The following GFRA2 variants were observed in gnomAD, a reference collection of about 807,000 sequenced individuals.
The protein encoded by GFRA2 is GDNF family receptor alpha 2.
Under a neutral mutation model 48.3 loss-of-function variants are expected in GFRA2, and 17 were observed. The observed-to-expected ratio is 0.35, with a 90% CI of 0.24 to 0.53. The LOEUF (loss-of-function observed/expected upper bound fraction) is 0.53. Among genes scored for constraint, GFRA2 ranks in the 20% least tolerant of loss-of-function variants. The pLI, the probability that GFRA2 is intolerant of heterozygous loss-of-function variation, is 0.93. For missense variants in GFRA2, 660 were observed against 637.3 expected, an observed-to-expected ratio of 1.04 and a Z score of -0.38; for synonymous variants, 305 against 257.2, an observed-to-expected ratio of 1.19 and a Z score of -1.78.
chr8:21,725,895 C>T (rs1803846090), intron 4 of GFRA2, among the ~76,000 whole-genome samples: 2 of 152,188 alleles, frequency 1.3e-5, no homozygotes, highest in African/African-American at 2.4e-5. Context: ...CAGCAGAATC[C>T]GAGCAAGACC....
intron 3 of GFRA2, among the ~76,000 whole-genome samples, chr8:21,757,023 A>C (rs1255486376): frequency 6.6e-6 from 1 of 152,032 alleles, no homozygotes; most frequent in Admixed American, 6.5e-5. Context: ...CTTCTCCAAA[A>C]CCGCAGTTAA....
At chr8:21,777,800 G>T (rs1251541510) in intron 2 of GFRA2, among the ~76,000 whole-genome samples, 1 of 152,164 alleles carries the variant, frequency 6.6e-6, no homozygotes, top group Non-Finnish European at 1.5e-5. Context: ...ACCCACTCTG[G>T]GTCCTGCCAC....
At chr8:21,703,657 A>G (rs1802596053) in intron 6 of GFRA2, among the ~76,000 whole-genome samples, 1 of 151,824 alleles carries the variant, frequency 6.6e-6, no homozygotes, top group Admixed American at 6.6e-5. Flanking sequence ...TCTCTTATCT[A>G]CCCTGGTCCC....
intron 4 of GFRA2, among the ~76,000 whole-genome samples, chr8:21,734,427 A>C (rs887800236): frequency 6.6e-6 from 1 of 152,272 alleles, no homozygotes; most frequent in Non-Finnish European, 1.5e-5. Context: ...GCAGGCCAGC[A>C]GAGGCACTGG....
chr8:21,719,594 C>T (rs1002397333), intron 4 of GFRA2, among the ~76,000 whole-genome samples: 12 of 152,210 alleles, frequency 7.9e-5, no homozygotes, highest in African/African-American at 2.9e-4. Flanking sequence ...TAAGTCAATA[C>T]TTATGAAGGC....
At chr8:21,811,280 T>C (rs1196587739) in intron 1 of GFRA2, among the ~76,000 whole-genome samples, 2 of 152,160 alleles carry the variant, frequency 1.3e-5, no homozygotes, top group East Asian at 1.9e-4. Flanking sequence ...AGCGGGTCTT[T>C]GCATCGGCCA....
At chr8:21,728,779 G>T (rs1407038857) in intron 4 of GFRA2, among the ~76,000 whole-genome samples, 2 of 152,174 alleles carry the variant, frequency 1.3e-5, no homozygotes, top group African/African-American at 2.4e-5. Flanking sequence ...TGAACACAAA[G>T]AAATTCTAAG....
intron 4 of GFRA2, among the ~76,000 whole-genome samples, chr8:21,748,579 G>T (rs1397513781): frequency 6.6e-6 from 1 of 152,128 alleles, no homozygotes; most frequent in Non-Finnish European, 1.5e-5. Flanking sequence ...AATAATACTG[G>T]AAAGAAGCAG....
Position 21,788,297 on chromosome 8 carries a change from A to T in GFRA2, c.-138T>A. On this transcript the variant is annotated 5_prime_UTR_variant, in exon 1 of 9. Coordinates refer to ENST00000524240, the MANE Select transcript of GFRA2 (RefSeq NM_001495.5). Reference sequence around the variant, plus strand: ...GCGGAGATCCCAGCTAGTCCACCCGATGAAGATCCCGAGTCCTGCGATTCT... The same window carrying T: ...GCGGAGATCCCAGCTAGTCCACCCGTTGAAGATCCCGAGTCCTGCGATTCT... The T allele has an allele frequency of 1.4e-6, 2 of 1,381,376 alleles. No homozygotes were observed. Among genetic ancestry groups the T allele is most frequent in the Non-Finnish European group, 1.9e-6 (2 of 1,064,120 alleles). The allele number at this position is 1,381,376 out of a possible 1,614,324, so 85.6% of individuals were successfully genotyped here. A position where few individuals can be genotyped will look rare whatever the true frequency, so the allele number is the denominator to read the frequency against.
chr8:21,799,003 T>C (rs1239163066), intron 2 of GFRA2, among the ~76,000 whole-genome samples: 1 of 152,216 alleles, frequency 6.6e-6, no homozygotes, highest in Admixed American at 6.5e-5. Flanking sequence ...TGGCCCATGA[T>C]AACTGCCCAA....
intron 3 of GFRA2, among the ~76,000 whole-genome samples, chr8:21,767,213 C>A (rs1165545783): frequency 4.1e-5 from 6 of 147,878 alleles, no homozygotes; most frequent in Non-Finnish European, 7.4e-5. Context: ...ATCCACCATG[C>A]CCAAACACAC....
intron 5 of GFRA2, 29 bp from the exon 6 acceptor site, chr8:21,705,154 A>C: frequency 6.3e-7 from 1 of 1,594,486 alleles, no homozygotes; most frequent in African/African-American, 1.3e-5. Context: ...GGGGGAGAGG[A>C]GAGAGGTACG....
chr8:21,710,591 A>T (rs1802972985), intron 4 of GFRA2, among the ~76,000 whole-genome samples: 1 of 152,182 alleles, frequency 6.6e-6, no homozygotes, highest in Non-Finnish European at 1.5e-5. Flanking sequence ...CAGCCCTCAA[A>T]GCAGGGCAAG....
chr8:21,780,363 T>A (rs1806921158), intron 2 of GFRA2, among the ~76,000 whole-genome samples: 1 of 151,954 alleles, frequency 6.6e-6, no homozygotes. Context: ...CTGTTGAGGG[T>A]CCTCTCCTCT....
chr8:21,800,483 A>C (rs1807750787), intron 2 of GFRA2, among the ~76,000 whole-genome samples: 1 of 152,250 alleles, frequency 6.6e-6, no homozygotes, highest in Admixed American at 6.5e-5. Context: ...GGAGTGGCAC[A>C]CAAGTTTATC....
intron 3 of GFRA2, among the ~76,000 whole-genome samples, chr8:21,755,617 G>T (rs1805529835): frequency 6.6e-6 from 1 of 151,250 alleles, no homozygotes; most frequent in Non-Finnish European, 1.5e-5. Context: ...GGAGAGAAAA[G>T]CATCCTGTCC....
chr8:21,796,626 CTG>C (rs374087275), intron 2 of GFRA2, among the ~76,000 whole-genome samples: 3,177 of 152,346 alleles, frequency 0.021, 120 homozygotes, highest in African/African-American at 0.072. Context: ...GCACATTTAC[CTG>C]TATGCCTACC....
chr8:21,761,074 A>G (rs190874394), intron 3 of GFRA2, among the ~76,000 whole-genome samples: 3 of 152,186 alleles, frequency 2.0e-5, no homozygotes, highest in African/African-American at 7.2e-5. Context: ...GTTGCCCCTA[A>G]TCCCAGCCCT....
chr8:21,709,625 T>A (rs1411977087), intron 4 of GFRA2, among the ~76,000 whole-genome samples: 3 of 151,886 alleles, frequency 2.0e-5, no homozygotes, highest in Non-Finnish European at 4.4e-5. Context: ...CAGTGGGAGA[T>A]CATTGCTTGC....
Sources: gnomAD v4.1 joint callset for allele counts (sites outside exome capture counted in the v4.1 genomes callset) on GRCh38, gnomAD v4.1.1 for gene constraint, MANE v1.5 for transcripts, NCBI Gene and HGNC (gene_info 2026-07-23, HGNC 2026-07-21) for gene names.